The following NINJ2 variants were observed in gnomAD, a reference collection of about 807,000 sequenced individuals.
The protein encoded by NINJ2 is ninjurin 2.
Under a neutral mutation model 11.7 loss-of-function variants are expected in NINJ2, and 12 were observed. The ratio of observed to expected loss-of-function variants is 1.02; its 90% confidence interval spans 0.66 to 1.66. The LOEUF is 1.66. Ranked by LOEUF, NINJ2 falls within the 40% of genes most tolerant of loss-of-function variation. NINJ2 has a pLI of 0.00. For missense variants in NINJ2, 187 were observed against 181.8 expected, an observed-to-expected ratio of 1.03 and a Z score of -0.16; for synonymous variants, 93 against 76.8, an observed-to-expected ratio of 1.21 and a Z score of -1.10.
intron 1 of NINJ2, among the ~76,000 whole-genome samples, chr12:627,783 CGCATGCCTGTAATCCCTGGGCACAGTGGT>C (rs1948225683): frequency 6.6e-6 from 1 of 152,102 alleles, no homozygotes; most frequent in African/African-American, 2.4e-5. Context: ...GGCACAGTGG[CGCATGCCTGTAATCCCTGGGCACAGTGGT>C]GCATGCCTGT....
intron 1 of NINJ2, among the ~76,000 whole-genome samples, chr12:622,932 A>G (rs1242569109): frequency 2.0e-5 from 3 of 152,164 alleles, no homozygotes; most frequent in Non-Finnish European, 4.4e-5. Flanking sequence ...GTTGCTTCAA[A>G]CAAGTTTAAA....
At chr12:634,077 T>C (rs1948314522) in intron 1 of NINJ2, among the ~76,000 whole-genome samples, 1 of 151,982 alleles carries the variant, frequency 6.6e-6, no homozygotes, top group South Asian at 2.1e-4. Context: ...CAAAAGACCC[T>C]ACCTTAGGAT....
chr12:642,235 GC>G (rs1172653863), intron 1 of NINJ2, among the ~76,000 whole-genome samples: 1 of 152,158 alleles, frequency 6.6e-6, no homozygotes, highest in African/African-American at 2.4e-5. Context: ...CGTACAAAGG[GC>G]CCAGAAGTGG....
intron 1 of NINJ2, among the ~76,000 whole-genome samples, chr12:620,253 G>C (rs1948136799): frequency 6.6e-6 from 1 of 152,220 alleles, no homozygotes; most frequent in Non-Finnish European, 1.5e-5. Flanking sequence ...GGATGGAAAT[G>C]GGCCCCAAAC....
intron 1 of NINJ2, among the ~76,000 whole-genome samples, chr12:625,583 C>A (rs1282486982): frequency 6.6e-6 from 1 of 152,148 alleles, no homozygotes; most frequent in East Asian, 1.9e-4. Context: ...TTCCAGCAAG[C>A]TACTTCTGGT....
chr12:634,185 A>G (rs1237131250), intron 1 of NINJ2, among the ~76,000 whole-genome samples: 3 of 150,168 alleles, frequency 2.0e-5, no homozygotes, highest in Non-Finnish European at 3.0e-5. Flanking sequence ...ATAAGCCACC[A>G]TGAGTTCAGC....
At chr12:607,739 T>C (rs1396215952) in intron 1 of NINJ2, among the ~76,000 whole-genome samples, 2 of 152,090 alleles carry the variant, frequency 1.3e-5, no homozygotes, top group South Asian at 2.1e-4. Context: ...GGAGGAGATA[T>C]CCTGTGTGAG....
Position 565,346 on chromosome 12 carries a change from G to A in NINJ2, c.318C>T (p.Asn106=), listed in dbSNP as rs560145066. The A allele has an allele frequency of 2.5e-5, 40 of 1,614,230 alleles. No individual in the cohort carries two copies. The highest frequency in any genetic ancestry group is 3.1e-5 in the Non-Finnish European group (37 of 1,180,036). The change falls in exon 3 of 4, where the codon AAC becomes AAT. Residue 106 remains asparagine (N), a synonymous_variant. Transcript: ENST00000305108. The stretch of plus-strand genomic sequence containing the variant: ...TGAAGAAGACCAAGATGGTGGCTGC[G>A]TTGTTGAGCTGGTTGAGTCGCCACT... The part of the protein sequence containing the change: ...EKQWRLNQLN[N]AATILVFFTV...
At chr12:619,007 T>C (rs115780280) in intron 1 of NINJ2, among the ~76,000 whole-genome samples, 22 of 152,338 alleles carry the variant, frequency 1.4e-4, no homozygotes, top group African/African-American at 4.8e-4. Context: ...GGCTTCTTTC[T>C]GACAGGGGCA....
intron 1 of NINJ2, among the ~76,000 whole-genome samples, chr12:636,940 A>G (rs1035051608): frequency 9.8e-5 from 15 of 152,360 alleles, no homozygotes; most frequent in African/African-American, 2.9e-4. Context: ...CTATACACCA[A>G]TGTTAATGGC....
intron 1 of NINJ2, among the ~76,000 whole-genome samples, chr12:623,951 G>A (rs1480274286): frequency 5.9e-5 from 9 of 152,146 alleles, no homozygotes; most frequent in African/African-American, 1.9e-4. Flanking sequence ...TAGGAGGATC[G>A]CTTGAGCTCA....
At chr12:574,181 C>T (rs2120807275) in intron 1 of NINJ2, among the ~76,000 whole-genome samples, 1 of 152,178 alleles carries the variant, frequency 6.6e-6, no homozygotes, top group East Asian at 1.9e-4. Flanking sequence ...GAGATGGTGC[C>T]ACTGCACTCC....
Position 614,656 on chromosome 12 carries a change from T to A in NINJ2, c.34-48478A>T, listed in dbSNP as rs1948071107. On this transcript the variant is annotated intron_variant, in intron 1 of 3. Transcript: ENST00000305108. This position sits in a 1 kb window ranked among gnomAD's most constrained non-coding sequence, Gnocchi z 5.1. Reference sequence around the variant, plus strand: ...TGCTCTAAGAGGATTCCTGCTTCCCTCTTATCCAGAGAAGTCACTTAGTTA... The same window carrying A: ...TGCTCTAAGAGGATTCCTGCTTCCCACTTATCCAGAGAAGTCACTTAGTTA... Among the ~76,000 whole-genome samples the A allele has an allele frequency of 6.6e-6, 1 of 152,190 alleles. No individual in the cohort carries two copies. Among genetic ancestry groups the A allele is most frequent in the African/African-American group, 2.4e-5 (1 of 41,448 alleles).
intron 1 of NINJ2, among the ~76,000 whole-genome samples, chr12:575,378 A>G (rs1006649316): frequency 1.1e-4 from 17 of 151,998 alleles, no homozygotes; most frequent in Admixed American, 8.5e-4. Flanking sequence ...GTGCAGGGCC[A>G]CACCAGATTA....
At chr12:648,547 G>A (rs73037138) in intron 1 of NINJ2, among the ~76,000 whole-genome samples, 195 of 152,322 alleles carry the variant, frequency 1.3e-3, no homozygotes, top group Admixed American at 2.0e-3. Flanking sequence ...ATGAATGGTC[G>A]TGTTCATGAG....
intron 1 of NINJ2, among the ~76,000 whole-genome samples, chr12:567,048 A>G (rs1322169899): frequency 6.6e-6 from 1 of 152,248 alleles, no homozygotes; most frequent in African/African-American, 2.4e-5. Flanking sequence ...TGGGCCAGGA[A>G]GGGCTAGAAG....
At chr12:565,686 G>A in intron 2 of NINJ2, 1 of 616,118 alleles carries the variant, frequency 1.6e-6, no homozygotes, top group Non-Finnish European at 2.9e-6. Flanking sequence ...GAGTGAGTTA[G>A]CAGTTAGCGA....
At chr12:615,294 C>T (rs561206842) in intron 1 of NINJ2, among the ~76,000 whole-genome samples, 6 of 152,262 alleles carry the variant, frequency 3.9e-5, no homozygotes, top group Admixed American at 6.5e-5. Context: ...ATCTCCTTCT[C>T]GTTCTTTTCT....
chr12:611,232 TTTC>T (rs1565634855), intron 1 of NINJ2, among the ~76,000 whole-genome samples: 3 of 76,118 alleles, frequency 3.9e-5, no homozygotes, highest in Non-Finnish European at 8.0e-5. Context: ...TTTCTTTTTC[TTTC>T]TTTCTTTCTT....
Sources: gnomAD v4.1 joint callset for allele counts (sites outside exome capture counted in the v4.1 genomes callset) on GRCh38, gnomAD v4.1.1 for gene constraint, Gnocchi (gnomAD v3.1) non-coding constraint, MANE v1.5 for transcripts, NCBI Gene and HGNC (gene_info 2026-07-23, HGNC 2026-07-21) for gene names.